EIF3G: variants seen among roughly 807,000 people sequenced by gnomAD.
EIF3G encodes the protein eukaryotic translation initiation factor 3 RNA-binding subunit.
In EIF3G, 10 loss-of-function variants were observed where a neutral mutation model predicts 41.7. That is an observed-to-expected ratio of 0.24 (90% CI 0.15 to 0.41). EIF3G has a LOEUF of 0.41. Ranked by LOEUF, EIF3G falls within the 10% of genes least tolerant of loss-of-function variation. The pLI is 1.00. For synonymous variants in EIF3G, 204 were observed against 172.5 expected (o/e 1.18, Z -1.43); for missense variants, 297 against 444.0 (o/e 0.67, Z 2.98).
rs374614386 is a variant in EIF3G at position 10,119,076 on chromosome 19, G to C, written c.151+12C>G. 2.5e-6 allele frequency: 4 copies of C among 1,589,368 alleles called. No homozygotes were observed. The highest frequency in any genetic ancestry group is 2.7e-5 in the African/African-American group (2 of 74,498). On this transcript the variant is annotated intron_variant, in intron 3 of 10. Transcript: ENST00000253108. ...GGCAGTCCTCACTCACCTCCCGGCA[G>C]TCCTCACTCACCTCCCGGCAGTAGC... is the stretch of plus-strand genomic sequence containing the variant.
At chr19:10,115,396 C>T (rs538216180) in intron 10 of EIF3G, 83 bp downstream of exon 10, 4 of 1,450,988 alleles carry the variant, frequency 2.8e-6, no homozygotes, top group Admixed American at 2.0e-5. Context: ...TAAATTGGCT[C>T]AGGGCTATTG....
chr19:10,115,245 CG>C (rs2089221189), intron 10 of EIF3G, 116 bp from the exon 11 acceptor site: 2 of 1,373,264 alleles, frequency 1.5e-6, no homozygotes, highest in South Asian at 2.7e-5. Flanking sequence ...GAGGACGAAG[CG>C]GGCACGGAGC....
chr19:10,115,393 G>A, intron 10 of EIF3G, 86 bp downstream of exon 10: 2 of 1,433,612 alleles, frequency 1.4e-6, no homozygotes, highest in East Asian at 2.3e-5. Context: ...TGTTAAATTG[G>A]CTCAGGGCTA....
At chr19:10,115,870 C>A (rs765927181) in intron 8 of EIF3G, 50 bp from the exon 9 acceptor site, 35 of 1,581,874 alleles carry the variant, frequency 2.2e-5, no homozygotes, top group Non-Finnish European at 3.0e-5. Flanking sequence ...CTGCCCAGCC[C>A]TCGTGTGCTG....
chr19:10,119,371 G>T, intron 2 of EIF3G, 200 bp from the exon 3 acceptor site: 1 of 771,166 alleles, frequency 1.3e-6, no homozygotes, highest in Non-Finnish European at 2.2e-6. Flanking sequence ...GTAGGAAGGT[G>T]GGTGCCAGGC....
intron 10 of EIF3G, 138 bp from the exon 11 acceptor site, chr19:10,115,267 G>A (rs1267757417): frequency 3.2e-6 from 4 of 1,236,414 alleles, no homozygotes; most frequent in African/African-American, 1.5e-5. Context: ...CAGATGGCCA[G>A]TCTCCAGGCC....
In EIF3G at chr19:10,119,044, A is replaced by AC. The variant is rs763048873; in HGVS notation, c.151+43dup. On this transcript the variant is annotated intron_variant, in intron 3 of 10. Transcript: ENST00000253108. ...GGCTGGAGGGAGAGGCAGCCCGGAC[A>AC]CCGAGTGGCAGTCCTCACTCACCTC... is the stretch of plus-strand genomic sequence containing the variant. 1.3e-5 allele frequency: 21 copies of AC among 1,603,936 alleles called. No individual in the cohort carries two copies. In the African/African-American group the frequency reaches 2.7e-4, roughly 20 times the overall value.
chr19:10,116,933 G>C lies in EIF3G; in HGVS notation c.462C>G (p.Ile154Met), dbSNP rs200494795. Residue 154 changes from isoleucine to methionine, a missense_variant, in exon 7 of 11, where the codon ATC becomes ATG. By Grantham distance (10) the Ile-to-Met change is conservative. Around this residue, in one of 4 missense-constraint regions of EIF3G, gnomAD observed 26 missense variants for 80.8 expected, o/e 0.32. Coordinates refer to ENST00000253108, the MANE Select transcript of EIF3G (RefSeq NM_003755.5). This position sits in a 1 kb window ranked among gnomAD's most constrained non-coding sequence, Gnocchi z 4.1. ...DPMNKLKGQK[I>M]VSCRICKGDH... ...CGCCCTTGCAGATGCGGCAGGACAC[G>C]ATCTTCTGGCCCTTGAGTTTGTTCA... 30 of 1,613,882 alleles carry C rather than the reference G, an allele frequency of 1.9e-5. No individual in the cohort carries two copies. The highest frequency in any genetic ancestry group is 2.5e-5 in the Non-Finnish European group (30 of 1,179,896).
In EIF3G at chr19:10,115,523, G is replaced by A. The variant is rs575192842; in HGVS notation, c.903C>T (p.Ser301=). ...EDAARAIAGV[S]GFGYDHLILN... ...GGATGAGGTGGTCGTAGCCAAAGCC[G>A]GACACCCCGGCAATGGCACGCGCAG... The change falls in exon 10 of 11, where the codon TCC becomes TCT. Residue 301 remains serine, a synonymous_variant. Transcript: ENST00000253108. The A allele has an allele frequency of 2.1e-5, 34 of 1,613,466 alleles. No individual in the cohort carries two copies. Among genetic ancestry groups the A allele is most frequent in the Admixed American group, 3.3e-5 (2 of 59,974 alleles).
At chr19:10,117,226 G>C in intron 5 of EIF3G, 38 bp from the exon 6 acceptor site, 1 of 1,516,266 alleles carries the variant, frequency 6.6e-7, no homozygotes, top group Non-Finnish European at 9.0e-7. Flanking sequence ...TTGAGGGCAG[G>C]GGCAGGCTGG....
At position 10,118,741 on chromosome 19, in the gene EIF3G, G is replaced by A. The variant is rs2089280292; in HGVS notation, c.241-14C>T. 1 of 1,613,760 alleles carries A rather than the reference G, an allele frequency of 6.2e-7. No homozygotes were observed. The highest frequency in any genetic ancestry group is 8.5e-7 in the Non-Finnish European group (1 of 1,179,898). On this transcript the variant is annotated splice_polypyrimidine_tract_variant and intron_variant, in intron 4 of 10. Transcript: ENST00000253108. ...GGTGCGGACAATCTGAGGATGGGAG[G>A]GGAGAAGGGTCAGGCTCCTGGGACC...
intron 2 of EIF3G, 129 bp from the exon 3 acceptor site, chr19:10,119,300 C>T: frequency 9.4e-7 from 1 of 1,059,266 alleles, no homozygotes; most frequent in South Asian, 1.4e-5. Flanking sequence ...AGAGGGCTGG[C>T]CAGGCAACGC....
rs947902132 is a variant in EIF3G, at chr19:10,117,327, G to A, written c.301-139C>T. ...TCTTCATCCTCCTCAAGCACTCCCT[G>A]AACAGTCCTGGCGACAGTTGTTTCC... is the stretch of plus-strand genomic sequence containing the variant. On this transcript the variant is annotated intron_variant, in intron 5 of 10. Coordinates refer to ENST00000253108, the MANE Select transcript of EIF3G (RefSeq NM_003755.5). The A allele has an allele frequency of 4.7e-6, 3 of 641,132 alleles. No homozygotes were observed. In the African/African-American group the frequency reaches 5.5e-5, roughly 12 times the overall value. The allele number at this position is 641,132 out of a possible 1,614,324, so 39.7% of individuals were successfully genotyped here. A position where few individuals can be genotyped will look rare whatever the true frequency, so the allele number is the denominator to read the frequency against.
rs1291428012 is a variant in EIF3G at position 10,116,667 on chromosome 19, G to A, written c.595+133C>T. ...CAACCATAGGAGGTACAGCCAATTA[G>A]GAAGGCACAGACGCCCCGAGGAGAG... On this transcript the variant is annotated intron_variant, in intron 7 of 10. Coordinates refer to ENST00000253108, the MANE Select transcript of EIF3G (RefSeq NM_003755.5). This position sits in a 1 kb window ranked among gnomAD's most constrained non-coding sequence, Gnocchi z 4.1. The A allele has an allele frequency of 1.1e-6, 1 of 896,578 alleles. No homozygotes were observed. The highest frequency in any genetic ancestry group is 1.7e-5 in the African/African-American group (1 of 60,032). 55.5% of individuals were successfully genotyped at this position (896,578 alleles called of 1,614,324 possible). A position where few individuals can be genotyped will look rare whatever the true frequency, so the allele number is the denominator to read the frequency against.
At chr19:10,115,227 G>GGCACGGA in intron 10 of EIF3G, 98 bp from the exon 11 acceptor site, 5 of 1,476,294 alleles carry the variant, frequency 3.4e-6, no homozygotes, top group Non-Finnish European at 4.6e-6. Context: ...CAGAGGACGG[G>GGCACGGA]GTAATGTGAG....
At chr19:10,115,173 C>T (rs1318804890) in intron 10 of EIF3G, 44 bp from the exon 11 acceptor site, 3 of 1,609,600 alleles carry the variant, frequency 1.9e-6, no homozygotes, top group Non-Finnish European at 8.5e-7. Context: ...CTGGGGGCAC[C>T]CCAAGACCCC....
Position 10,118,663 on chromosome 19 carries a change from C to CT in EIF3G, c.300+4dup. 1 of 1,614,098 alleles carries CT rather than the reference C, an allele frequency of 6.2e-7. No individual in the cohort carries two copies. Among genetic ancestry groups the CT allele is most frequent in the African/African-American group, 1.3e-5 (1 of 75,034 alleles). The stretch of plus-strand genomic sequence containing the variant: ...TAGGTTAGCCCTGGGGAAGAAGAGC[C>CT]TCACCTTCCTCCTTGCGACAGCCTT... On this transcript the variant is annotated splice_donor_region_variant and intron_variant, in intron 5 of 10. Transcript: ENST00000253108.
intron 4 of EIF3G, 60 bp from the exon 5 acceptor site, chr19:10,118,787 C>G: frequency 6.2e-7 from 1 of 1,609,384 alleles, no homozygotes; most frequent in Admixed American, 1.7e-5. Flanking sequence ...CTTTATCAAC[C>G]TCCTCAACAC....
At chr19:10,119,425 A>G in intron 2 of EIF3G, 1 of 752,694 alleles carries the variant, frequency 1.3e-6, no homozygotes, top group Non-Finnish European at 2.3e-6. Context: ...GAGACGGGAG[A>G]TTACAACTTC....
Sources: allele counts gnomAD v4.1 joint callset, GRCh38; gene constraint gnomAD v4.1.1; regional missense constraint gnomAD v4.1.1; non-coding constraint Gnocchi (gnomAD v3.1); transcripts MANE v1.5; gene names NCBI Gene and HGNC (gene_info 2026-07-23, HGNC 2026-07-21).